Variants in KIRREL3 observed in about 807,000 individuals in gnomAD.
The protein encoded by KIRREL3 is kin of IRRE-like protein 3.
A neutral mutation model predicts 89.7 loss-of-function variants in KIRREL3; 36 were observed. That is an observed-to-expected ratio of 0.40 (90% CI 0.31 to 0.53). The LOEUF (loss-of-function observed/expected upper bound fraction) is 0.53. Among genes scored for constraint, KIRREL3 ranks in the 20% least tolerant of loss-of-function variants. The pLI, the probability that KIRREL3 is intolerant of heterozygous loss-of-function variation, is 0.49. For synonymous variants in KIRREL3, 445 were observed against 441.4 expected (o/e 1.01, Z -0.10); for missense variants, 864 against 1,056.6 (o/e 0.82, Z 2.53).
rs1411089096 is a variant in KIRREL3, at chr11:126,484,951, G to A, written c.434-11485C>T. Among the ~76,000 whole-genome samples the A allele has an allele frequency of 6.6e-6, 1 of 152,040 alleles. No homozygotes were observed. The highest frequency in any genetic ancestry group is 1.5e-5 in the Non-Finnish European group (1 of 68,020). ...CTGCCTCAGCCTTTTAAATAGCTGG[G>A]ATTACAGGCACCTGCCACCACGCCT... On this transcript the variant is annotated intron_variant, in intron 4 of 16. Coordinates refer to ENST00000525144, the MANE Select transcript of KIRREL3 (RefSeq NM_032531.4). This position sits in a 1 kb window ranked among gnomAD's most constrained non-coding sequence, Gnocchi z 5.2.
Position 126,900,126 on chromosome 11 carries a change from G to T in KIRREL3, c.55+100329C>A, listed in dbSNP as rs1946317661. Among the ~76,000 whole-genome samples the T allele has an allele frequency of 1.3e-5, 2 of 152,148 alleles. No individual in the cohort carries two copies. Among genetic ancestry groups the T allele is most frequent in the Admixed American group, 6.5e-5 (1 of 15,280 alleles). ...TTTGCACAATGGAGACACACTCCTT[G>T]GGTCAGGAAACTAAATGTGAGTGTA... is the stretch of plus-strand genomic sequence containing the variant. On this transcript the variant is annotated intron_variant, in intron 1 of 16. Coordinates refer to ENST00000525144, the MANE Select transcript of KIRREL3 (RefSeq NM_032531.4). The surrounding 1 kb of genome is among the most constrained non-coding windows in gnomAD (Gnocchi z 4.4).
At chr11:126,613,580 G>A (rs1311164879) in intron 1 of KIRREL3, among the ~76,000 whole-genome samples, 2 of 152,000 alleles carry the variant, frequency 1.3e-5, no homozygotes, top group East Asian at 3.9e-4. Flanking sequence ...TTTATTTTGT[G>A]TGTGTTGGCC....
chr11:126,634,171 G>A (rs1274291033), intron 1 of KIRREL3, among the ~76,000 whole-genome samples: 26 of 152,180 alleles, frequency 1.7e-4, no homozygotes, highest in Non-Finnish European at 3.1e-4. Flanking sequence ...TGTGTTGTCT[G>A]TATTGCTCTG....
rs190170561 is a variant in KIRREL3 at position 126,476,846 on chromosome 11, C to T, written c.434-3380G>A. ...GGGGAGGAAGTTTCAGAGTGGTCCC[C>T]GCTTGGAGATGTATTATTCATCACC... On this transcript the variant is annotated intron_variant, in intron 4 of 16. Transcript: ENST00000525144. The surrounding 1 kb of genome is among the most constrained non-coding windows in gnomAD (Gnocchi z 6.4). Among the ~76,000 whole-genome samples, 9 of 152,298 alleles carry T rather than the reference C, an allele frequency of 5.9e-5. No individual in the cohort carries two copies. The highest frequency in any genetic ancestry group is 2.6e-4 in the Admixed American group (4 of 15,300).
chr11:126,591,352 C>G (rs1286932850), intron 1 of KIRREL3, among the ~76,000 whole-genome samples: 1 of 152,236 alleles, frequency 6.6e-6, no homozygotes, highest in African/African-American at 2.4e-5. Flanking sequence ...AAGAGAATCC[C>G]TTAACCTAAA....
At chr11:126,644,623 A>C (rs1332315561) in intron 1 of KIRREL3, among the ~76,000 whole-genome samples, 1 of 152,216 alleles carries the variant, frequency 6.6e-6, no homozygotes, top group African/African-American at 2.4e-5. Context: ...AGATGGAGTC[A>C]TGTCCAGAAA....
chr11:126,806,364 A>T (rs976142075), intron 1 of KIRREL3, among the ~76,000 whole-genome samples: 1 of 152,190 alleles, frequency 6.6e-6, no homozygotes, highest in African/African-American at 2.4e-5. Flanking sequence ...GCTAGCAGTC[A>T]TCTTCTCCTA....
In KIRREL3 at chr11:126,696,151, G is replaced by A. The variant is rs1947084361; in HGVS notation, c.56-133239C>T. On this transcript the variant is annotated intron_variant, in intron 1 of 16. Coordinates refer to ENST00000525144, the MANE Select transcript of KIRREL3 (RefSeq NM_032531.4). The surrounding 1 kb of genome is among the most constrained non-coding windows in gnomAD (Gnocchi z 4.4). ...ACGTGCCTGTAGTCCCAGCTACTTGGGAGGCTGAGGTATGAGAATTGCTTG... is the reference window on the plus strand; with the variant it reads ...ACGTGCCTGTAGTCCCAGCTACTTGAGAGGCTGAGGTATGAGAATTGCTTG... 6.6e-6 allele frequency among the ~76,000 whole-genome samples: 1 copy of A among 151,838 alleles called. No homozygotes were observed. Among genetic ancestry groups the A allele is most frequent in the African/African-American group, 2.4e-5 (1 of 41,312 alleles).
rs995993989 is a variant in KIRREL3 at position 126,918,343 on chromosome 11, T to A, written c.55+82112A>T. Among the ~76,000 whole-genome samples, 4 of 152,112 alleles carry A rather than the reference T, an allele frequency of 2.6e-5. No individual in the cohort carries two copies. The highest frequency in any genetic ancestry group is 6.5e-5 in the Admixed American group (1 of 15,278). ...GAAGACTTTGCCACACCATGGTACC[T>A]CCCCCTGCATTTATTTTGGCAATTT... On this transcript the variant is annotated intron_variant, in intron 1 of 16. Coordinates refer to ENST00000525144, the MANE Select transcript of KIRREL3 (RefSeq NM_032531.4). This position sits in a 1 kb window ranked among gnomAD's most constrained non-coding sequence, Gnocchi z 6.5.
At position 126,436,843 on chromosome 11, in the gene KIRREL3, G is replaced by A. The variant is rs1334864266; in HGVS notation, c.1520C>T (p.Ser507Phe). ...YNCTAWNSFGSDTEIIRLKEQ... is the reference protein window; with the variant it reads ...YNCTAWNSFGFDTEIIRLKEQ... The stretch of plus-strand genomic sequence containing the variant: ...CTTGAGCCGGATGATCTCAGTGTCG[G>A]AGCCGAAGCTGTTCCAGGCCGTGCA... Residue 507 changes from serine to phenylalanine, a missense_variant, in exon 12 of 17, where the codon TCC becomes TTC. Transcript: ENST00000525144. The A allele has an allele frequency of 6.2e-7, 1 of 1,613,686 alleles. No homozygotes were observed. The highest frequency in any genetic ancestry group is 1.7e-5 in the Admixed American group (1 of 60,026).
At chr11:126,699,481 A>T (rs1453349698) in intron 1 of KIRREL3, among the ~76,000 whole-genome samples, 1 of 152,190 alleles carries the variant, frequency 6.6e-6, no homozygotes. Flanking sequence ...TAGTAGCCAC[A>T]CTCAGCGAGT....
chr11:126,893,928 C>G (rs1946030547), intron 1 of KIRREL3, among the ~76,000 whole-genome samples: 1 of 152,202 alleles, frequency 6.6e-6, no homozygotes, highest in South Asian at 2.1e-4. Context: ...AAATGTCTTT[C>G]CCAGAGCCGC....
rs1019122818 is a variant in KIRREL3, at chr11:126,750,413, G to A, written c.56-187501C>T. Among the ~76,000 whole-genome samples, 2 of 152,174 alleles carry A rather than the reference G, an allele frequency of 1.3e-5. No individual in the cohort carries two copies. Among genetic ancestry groups the A allele is most frequent in the African/African-American group, 2.4e-5 (1 of 41,444 alleles). ...AGCCCACAGTGAAGCTTCAAGTGAGGTTAGCCAGAGAGGAACACTCTTACC... is the reference window on the plus strand; with the variant it reads ...AGCCCACAGTGAAGCTTCAAGTGAGATTAGCCAGAGAGGAACACTCTTACC... On this transcript the variant is annotated intron_variant, in intron 1 of 16. Coordinates refer to ENST00000525144, the MANE Select transcript of KIRREL3 (RefSeq NM_032531.4). The surrounding 1 kb of genome is among the most constrained non-coding windows in gnomAD (Gnocchi z 4.2).
intron 1 of KIRREL3, among the ~76,000 whole-genome samples, chr11:126,701,956 G>A (rs1252700550): frequency 6.6e-6 from 1 of 152,180 alleles, no homozygotes; most frequent in Non-Finnish European, 1.5e-5. Context: ...GTGGTCTTGA[G>A]CAAGTTACTT....
In KIRREL3 at chr11:126,983,895, G is replaced by A. The variant is rs1279870519; in HGVS notation, c.55+16560C>T. Reference sequence around the variant, plus strand: ...TTCCTCCTCTGAACCAGAGAACCCCGAGAATAATATGATTAACTATTTTTA... The same window carrying A: ...TTCCTCCTCTGAACCAGAGAACCCCAAGAATAATATGATTAACTATTTTTA... On this transcript the variant is annotated intron_variant, in intron 1 of 16. Transcript: ENST00000525144. This position sits in a 1 kb window ranked among gnomAD's most constrained non-coding sequence, Gnocchi z 4.9. Among the ~76,000 whole-genome samples, 1 of 152,026 alleles carries A rather than the reference G, an allele frequency of 6.6e-6. No homozygotes were observed. The highest frequency in any genetic ancestry group is 2.4e-5 in the African/African-American group (1 of 41,472).
chr11:126,759,017 A>T (rs1949589949), intron 1 of KIRREL3, among the ~76,000 whole-genome samples: 1 of 152,202 alleles, frequency 6.6e-6, no homozygotes, highest in Non-Finnish European at 1.5e-5. Context: ...GTGTAAGCCA[A>T]CGGTCTCCAG....
chr11:126,872,685 C>T lies in KIRREL3; in HGVS notation c.55+127770G>A, dbSNP rs1210604624. On this transcript the variant is annotated intron_variant, in intron 1 of 16. Transcript: ENST00000525144. The surrounding 1 kb of genome is among the most constrained non-coding windows in gnomAD (Gnocchi z 4.2). ...CTGTCTCCCTCCTATCCCACCCCAT[C>T]CTGGGCTTGTTTTCATCTTTGTCAG... 1.3e-5 allele frequency among the ~76,000 whole-genome samples: 2 copies of T among 152,344 alleles called. No individual in the cohort carries two copies. The highest frequency in any genetic ancestry group is 6.5e-5 in the Admixed American group (1 of 15,302).
chr11:126,758,467 A>G (rs1949573939), intron 1 of KIRREL3, among the ~76,000 whole-genome samples: 1 of 152,234 alleles, frequency 6.6e-6, no homozygotes, highest in Non-Finnish European at 1.5e-5. Flanking sequence ...TGAGCATGGG[A>G]CAGCCCAGGG....
Position 126,995,454 on chromosome 11 carries a change from C to T in KIRREL3, c.55+5001G>A, listed in dbSNP as rs546053352. 2.5e-6 allele frequency: 1 copy of T among 393,628 alleles called. No individual in the cohort carries two copies. The highest frequency in any genetic ancestry group is 7.2e-5 in the East Asian group (1 of 13,912). The allele number at this position is 393,628 out of a possible 1,614,324, so 24.4% of individuals were successfully genotyped here. A position where few individuals can be genotyped will look rare whatever the true frequency, so the allele number is the denominator to read the frequency against. ...GGACCCCAATAAAAAAACGCCTGCA[C>T]TGTTTTTCACCTAAGGTCATCTCGA... On this transcript the variant is annotated intron_variant, in intron 1 of 16. Coordinates refer to ENST00000525144, the MANE Select transcript of KIRREL3 (RefSeq NM_032531.4). The surrounding 1 kb of genome is among the most constrained non-coding windows in gnomAD (Gnocchi z 6.5).
Sources: allele counts gnomAD v4.1 joint callset (sites outside exome capture counted in the v4.1 genomes callset), GRCh38; gene constraint gnomAD v4.1.1; non-coding constraint Gnocchi (gnomAD v3.1); transcripts MANE v1.5; gene names NCBI Gene and HGNC (gene_info 2026-07-23, HGNC 2026-07-21).